LRIG1: variants seen among roughly 807,000 people sequenced by gnomAD.
LRIG1 encodes the protein leucine rich repeats and immunoglobulin like domains 1, also known as leucine-rich repeats and immunoglobulin-like domains protein 1.
In LRIG1, 48 loss-of-function variants were observed where a neutral mutation model predicts 99.2. The ratio of observed to expected loss-of-function variants is 0.48; its 90% CI spans 0.38 to 0.62. The LOEUF is 0.62. Among genes scored for constraint, LRIG1 ranks in the 20% least tolerant of loss-of-function variants. The probability of loss-of-function intolerance (pLI) is 0.00; values close to 1 mark genes in which losing one functional copy is unlikely to be tolerated. For synonymous variants in LRIG1, 772 were observed against 596.1 expected, an observed-to-expected ratio of 1.29 and a Z score of -4.30; for missense variants, 1,646 against 1,434.4, an observed-to-expected ratio of 1.15 and a Z score of -2.38.
At chr3:66,417,097 C>T in intron 4 of LRIG1, 32 bp downstream of exon 4, 4 of 1,608,086 alleles carry the variant, frequency 2.5e-6, no homozygotes, top group Non-Finnish European at 3.4e-6. Context: ...ACACAGCGGG[C>T]CAGCCACAGG....
intron 6 of LRIG1, among the ~76,000 whole-genome samples, chr3:66,412,338 C>G (rs1424331584): frequency 6.6e-6 from 1 of 152,176 alleles, no homozygotes; most frequent in Non-Finnish European, 1.5e-5. Context: ...GAGGAGGGGT[C>G]TGTTCCGCAG....
At chr3:66,477,131 G>T (rs1212559108) in intron 1 of LRIG1, among the ~76,000 whole-genome samples, 7 of 152,092 alleles carry the variant, frequency 4.6e-5, no homozygotes. Context: ...CCTCACACAC[G>T]CTGAAGTTAA....
chr3:66,431,150 C>T (rs370764993), intron 3 of LRIG1, among the ~76,000 whole-genome samples: 1 of 152,208 alleles, frequency 6.6e-6, no homozygotes, highest in South Asian at 2.1e-4. Context: ...AACTGAACCC[C>T]TCTGATTTCC....
chr3:66,493,811 G>C (rs573038723), intron 1 of LRIG1, among the ~76,000 whole-genome samples: 1 of 95,632 alleles, frequency 1.0e-5, no homozygotes, highest in Non-Finnish European at 2.1e-5. Flanking sequence ...AGAAAAGAAA[G>C]AAAGAAAGGA....
At chr3:66,428,300 C>A (rs969918868) in intron 3 of LRIG1, among the ~76,000 whole-genome samples, 5 of 152,178 alleles carry the variant, frequency 3.3e-5, no homozygotes, top group African/African-American at 9.7e-5. Flanking sequence ...CTGTTTCATG[C>A]TGCTTCATTT....
intron 9 of LRIG1, among the ~76,000 whole-genome samples, chr3:66,402,245 C>T (rs1702086317): frequency 6.6e-6 from 1 of 152,204 alleles, no homozygotes; most frequent in East Asian, 1.9e-4. Context: ...CTCCCGCGTA[C>T]TGACTCTGTG....
intron 2 of LRIG1, among the ~76,000 whole-genome samples, chr3:66,460,464 G>A (rs1320581472): frequency 6.6e-6 from 1 of 152,140 alleles, no homozygotes; most frequent in Non-Finnish European, 1.5e-5. Flanking sequence ...GCATGTGACT[G>A]CATTTGGAGA....
intron 2 of LRIG1, among the ~76,000 whole-genome samples, chr3:66,455,247 T>A (rs553516880): frequency 7.2e-5 from 11 of 152,322 alleles, no homozygotes; most frequent in Admixed American, 5.2e-4. Context: ...GCCTGAATTT[T>A]TCTTGCTGTT....
At chr3:66,459,927 GAAATC>G (rs1364107424) in intron 2 of LRIG1, among the ~76,000 whole-genome samples, 2 of 152,188 alleles carry the variant, frequency 1.3e-5, no homozygotes, top group Admixed American at 6.5e-5. Context: ...CAAAAGGAAA[GAAATC>G]AGTAATACTA....
chr3:66,400,111 T>C (rs895838966), intron 9 of LRIG1, among the ~76,000 whole-genome samples: 3 of 152,226 alleles, frequency 2.0e-5, no homozygotes, highest in Admixed American at 2.0e-4. Flanking sequence ...AAGGGGTTCC[T>C]GCCTCCAGGC....
At chr3:66,411,085 G>A (rs1378298978) in intron 6 of LRIG1, among the ~76,000 whole-genome samples, 2 of 152,174 alleles carry the variant, frequency 1.3e-5, no homozygotes, top group Non-Finnish European at 2.9e-5. Flanking sequence ...GGAAACAAGG[G>A]TACATCAGGA....
In LRIG1 at chr3:66,380,614, A is replaced by G. The variant is rs1700986857; in HGVS notation, c.3018T>C (p.Ala1006=). The G allele has an allele frequency of 1.2e-6, 2 of 1,614,044 alleles. No homozygotes were observed. The highest frequency in any genetic ancestry group is 3.3e-5 in the Admixed American group (2 of 60,006). Residue 1006 remains alanine, a synonymous_variant, in exon 18 of 19, where the codon GCT becomes GCC. Transcript: ENST00000273261. ...GAGATGCCATTGGCTTTTTCTTCAC[A>G]GCCGTCAGCATTCTATCGTGGTTAC... ...YPSNHDRMLT[A]VKKKPMASLD...
intron 8 of LRIG1, chr3:66,406,047 T>C: frequency 1.0e-6 from 1 of 986,948 alleles, no homozygotes; most frequent in Non-Finnish European, 1.2e-6. Flanking sequence ...GGTTCTTAAA[T>C]TTTCCCCCCG....
intron 7 of LRIG1, among the ~76,000 whole-genome samples, 173 bp from the exon 8 acceptor site, chr3:66,407,664 T>C (rs973902147): frequency 6.6e-6 from 1 of 152,128 alleles, no homozygotes; most frequent in Non-Finnish European, 1.5e-5. Context: ...GGGGTAAAAG[T>C]GGCCATGCAG....
intron 12 of LRIG1, among the ~76,000 whole-genome samples, chr3:66,392,894 C>T (rs771475048): frequency 3.9e-5 from 6 of 152,150 alleles, no homozygotes; most frequent in African/African-American, 7.2e-5. Flanking sequence ...TGGAGCTGTG[C>T]GAGCATTAGA....
chr3:66,481,918 C>T (rs757073273), intron 1 of LRIG1, among the ~76,000 whole-genome samples: 1 of 152,250 alleles, frequency 6.6e-6, no homozygotes, highest in African/African-American at 2.4e-5. Flanking sequence ...AGGGAAGCAG[C>T]TTACAATTCA....
At chr3:66,416,186 T>C (rs1702609701) in intron 4 of LRIG1, among the ~76,000 whole-genome samples, 1 of 152,168 alleles carries the variant, frequency 6.6e-6, no homozygotes, top group Admixed American at 6.5e-5. Context: ...AGCAAAGTGG[T>C]GTCACGTGGA....
chr3:66,382,297 C>T lies in LRIG1; in HGVS notation c.2593G>A (p.Ala865Thr), dbSNP rs143721379. 6.2e-7 allele frequency: 1 copy of T among 1,614,180 alleles called. No homozygotes were observed. Among genetic ancestry groups the T allele is most frequent in the Non-Finnish European group, 8.5e-7 (1 of 1,180,030 alleles). Reference protein sequence around the residue: ...TVVRTEGGPQANGHIESNGVC... With the variant: ...TVVRTEGGPQTNGHIESNGVC... ...CCATTGCTCTCAATGTGCCCATTGG[C>T]CTGAGGGCCACCCTCGGTCCTGACC... Residue 865 changes from alanine (A) to threonine (T), a missense_variant, in exon 16 of 19, where the codon GCC (alanine) becomes ACC (threonine). Ala to Thr is a moderately conservative substitution (Grantham distance 58). Transcript: ENST00000273261.
intron 1 of LRIG1, among the ~76,000 whole-genome samples, chr3:66,490,657 A>T (rs1343996031): frequency 2.8e-5 from 4 of 142,402 alleles, no homozygotes; most frequent in Non-Finnish European, 4.6e-5. Context: ...AAAAAAAAAA[A>T]TGCATTGGAG....
Sources: allele counts gnomAD v4.1 joint callset (sites outside exome capture counted in the v4.1 genomes callset), GRCh38; gene constraint gnomAD v4.1.1; transcripts MANE v1.5; gene names NCBI Gene and HGNC (gene_info 2026-07-23, HGNC 2026-07-21).